MASTL: variants seen among roughly 807,000 people sequenced by gnomAD.
The protein encoded by MASTL is serine/threonine-protein kinase greatwall.
MASTL carries 54 observed loss-of-function variants against 82.5 expected under a neutral mutation model. That is an observed-to-expected ratio of 0.65 (90% CI 0.53 to 0.82). MASTL has a LOEUF of 0.82. Among genes scored for constraint, MASTL ranks in the 40% least tolerant of loss-of-function variants. MASTL has a pLI of 0.00. For missense variants in MASTL, 950 were observed against 1,047.8 expected, an observed-to-expected ratio of 0.91 and a Z score of 1.29; for synonymous variants, 323 against 368.9, an observed-to-expected ratio of 0.88 and a Z score of 1.43.
rs143968397 is a variant in MASTL, at chr10:27,163,622, G to GT, written c.554-1428dup. ...TATACTTTCATTTATTTACTTATTT[G>GT]TTTTTTTTTTTTTTCTTTGAGACAG... On this transcript the variant is annotated intron_variant, in intron 4 of 11. Coordinates refer to ENST00000375940, the MANE Select transcript of MASTL (RefSeq NM_001172303.3). Among the ~76,000 whole-genome samples the GT allele has an allele frequency of 7.7e-4, 111 of 144,894 alleles. 1 individual carries two copies. The highest frequency in any genetic ancestry group is 2.1e-3 in the African/African-American group (83 of 39,286).
At chr10:27,158,962 G>C (rs1411805634) in intron 2 of MASTL, among the ~76,000 whole-genome samples, 1 of 152,238 alleles carries the variant, frequency 6.6e-6, no homozygotes, top group African/African-American at 2.4e-5. Flanking sequence ...CACTTCGAGA[G>C]GCTGAGACAG....
At position 27,187,750 on chromosome 10, in the gene MASTL, T is replaced by G; in HGVS notation, c.*1214T>G. 1.3e-5 allele frequency among the ~76,000 whole-genome samples: 1 copy of G among 74,720 alleles called. No homozygotes were observed. 49.0% of individuals were successfully genotyped at this position (74,720 alleles called of 152,430 possible). ...CTGGGCAACAGAATGAGACTCAGTCTCAAAAAAAAAAAAAATACTACTGGA... is the reference window on the plus strand; with the variant it reads ...CTGGGCAACAGAATGAGACTCAGTCGCAAAAAAAAAAAAAATACTACTGGA... On this transcript the variant is annotated 3_prime_UTR_variant, in exon 12 of 12. Coordinates refer to ENST00000375940, the MANE Select transcript of MASTL (RefSeq NM_001172303.3).
At chr10:27,175,508 G>A (rs1280650156) in intron 9 of MASTL, among the ~76,000 whole-genome samples, 1 of 152,084 alleles carries the variant, frequency 6.6e-6, no homozygotes, top group Non-Finnish European at 1.5e-5. Context: ...ATGGGCACCA[G>A]TGATTTCCTT....
At position 27,170,664 on chromosome 10, in the gene MASTL, TCTG is replaced by T; in HGVS notation, c.1706_1708del (p.Ser569_Asp570delinsTyr). On this transcript the variant is annotated inframe_deletion, in exon 8 of 12. Transcript: ENST00000375940. The stretch of plus-strand genomic sequence containing the variant: ...AGCTTCTAAAAATATTTCTATGAAC[TCTG>T]ATTCATCTTTTCCTGGAATTTCTAT... 6.2e-7 allele frequency: 1 copy of T among 1,611,314 alleles called. No individual in the cohort carries two copies. The highest frequency in any genetic ancestry group is 1.1e-5 in the South Asian group (1 of 90,202).
chr10:27,162,582 TTGCTTAAACC>T (rs1459800084), intron 4 of MASTL, among the ~76,000 whole-genome samples: 1 of 152,056 alleles, frequency 6.6e-6, no homozygotes, highest in Non-Finnish European at 1.5e-5. Context: ...GGCAGGAGAA[TTGCTTAAACC>T]TGGGAGGCAG....
rs775793798 is a variant in MASTL, at chr10:27,181,000, C to G, written c.2314C>G (p.Leu772Val). The change falls in exon 10 of 12, where the codon CTA becomes GTA. Residue 772 changes from leucine to valine, a missense_variant. Coordinates refer to ENST00000375940, the MANE Select transcript of MASTL (RefSeq NM_001172303.3). ...WALGVCLFEF[L>V]TGIPPFNDET... is the part of the protein sequence containing the mutation. ...ACTTGGAGTTTGCTTGTTTGAATTTCTAACAGGAATTCCCCCTTTCAATGA... is the reference window on the plus strand; with the variant it reads ...ACTTGGAGTTTGCTTGTTTGAATTTGTAACAGGAATTCCCCCTTTCAATGA... 8.1e-6 allele frequency: 13 copies of G among 1,613,718 alleles called. No individual in the cohort carries two copies. The South Asian group carries it at 1.3e-4, about 16-fold the overall frequency.
At position 27,170,821 on chromosome 10, in the gene MASTL, A is replaced by G. The variant is rs757814770; in HGVS notation, c.1862A>G (p.Lys621Arg). The G allele has an allele frequency of 6.2e-7, 1 of 1,614,150 alleles. No individual in the cohort carries two copies. Among genetic ancestry groups the G allele is most frequent in the South Asian group, 1.1e-5 (1 of 91,082 alleles). ...TPDCQEKTSP[K>R]GVENPAVQES... ...GATTGCCAAGAAAAGACCTCACCAA[A>G]AGGTGTCGAGAACCCTGCTGTACAA... The change falls in exon 8 of 12, where the codon AAA (lysine) becomes AGA (arginine). Residue 621 changes from lysine to arginine, a missense_variant. By Grantham distance (26) the Lys-to-Arg change is conservative (BLOSUM62 2). Transcript: ENST00000375940.
At chr10:27,182,636 TGGG>T (rs2058387842) in intron 11 of MASTL, among the ~76,000 whole-genome samples, 1 of 152,014 alleles carries the variant, frequency 6.6e-6, no homozygotes, top group Non-Finnish European at 1.5e-5. Context: ...TCCAGCTACT[TGGG>T]GGCTTAGGCA....
At chr10:27,158,884 G>C (rs2057480313) in intron 2 of MASTL, among the ~76,000 whole-genome samples, 198 bp downstream of exon 2, 1 of 152,208 alleles carries the variant, frequency 6.6e-6, no homozygotes, top group Admixed American at 6.5e-5. Flanking sequence ...TACGGTGCGT[G>C]TGTATGTGTA....
chr10:27,181,679 G>A (rs1564506065), intron 11 of MASTL, 98 bp downstream of exon 11: 9 of 848,628 alleles, frequency 1.1e-5, no homozygotes, highest in South Asian at 2.7e-5. Context: ...GGTGGCTCAC[G>A]CCTGTAATCC....
At chr10:27,155,232 G>A (rs1217188294), upstream of MASTL, 15 of 614,190 alleles carry the variant, frequency 2.4e-5, no homozygotes, top group Non-Finnish European at 4.3e-5. Context: ...AAGAGTGTAA[G>A]GCTGCGAAGT....
At chr10:27,164,080 A>G (rs193150357) in intron 4 of MASTL, among the ~76,000 whole-genome samples, 201 of 152,272 alleles carry the variant, frequency 1.3e-3, no homozygotes, top group African/African-American at 4.0e-3. Flanking sequence ...AGCTGGGACT[A>G]GAGGCATGAG....
intron 7 of MASTL, 111 bp downstream of exon 7, chr10:27,167,385 T>C (rs2057775753): frequency 2.2e-6 from 2 of 901,444 alleles, no homozygotes; most frequent in Admixed American, 2.1e-5. Context: ...GTTACATGAA[T>C]GGCAGTCATA....
intron 1 of MASTL, among the ~76,000 whole-genome samples, chr10:27,158,002 A>C (rs2057449942): frequency 6.6e-6 from 1 of 152,206 alleles, no homozygotes; most frequent in Non-Finnish European, 1.5e-5. Flanking sequence ...TATGCAGGGC[A>C]GTCTGGGAAT....
chr10:27,177,144 G>C (rs2058127253), intron 9 of MASTL, among the ~76,000 whole-genome samples: 1 of 152,116 alleles, frequency 6.6e-6, no homozygotes, highest in Admixed American at 6.6e-5. Context: ...ACCACACCCA[G>C]CCAAGAGTGT....
chr10:27,170,487 G>A lies in MASTL; in HGVS notation c.1528G>A (p.Val510Ile), dbSNP rs183157467. The A allele has an allele frequency of 2.5e-5, 40 of 1,614,004 alleles. No individual in the cohort carries two copies. In the Admixed American group the frequency reaches 6.2e-4, roughly 25 times the overall value. Residue 510 changes from valine to isoleucine, a missense_variant, in exon 8 of 12, where the codon GTC (valine) becomes ATC (isoleucine). Physicochemically the swap from Val to Ile is conservative, Grantham distance 29. Transcript: ENST00000375940. ...TGACTGTGCTAATAAGGAGAACATT[G>A]TCAATTCTTTTACTGATAAACAACA... The part of the protein sequence containing the change: ...QNDCANKENI[V>I]NSFTDKQQTP...
At chr10:27,157,927 T>C (rs2057447864) in intron 1 of MASTL, among the ~76,000 whole-genome samples, 2 of 152,160 alleles carry the variant, frequency 1.3e-5, no homozygotes, top group Admixed American at 1.3e-4. Flanking sequence ...TGTGGGCTTA[T>C]GAGGAATGTA....
rs1369991148 is a variant in MASTL, at chr10:27,165,126, A to G, written c.616A>G (p.Arg206Gly). 3.1e-6 allele frequency: 5 copies of G among 1,613,642 alleles called. No individual in the cohort carries two copies. The highest frequency in any genetic ancestry group is 4.2e-6 in the Non-Finnish European group (5 of 1,179,648). Residue 206 changes from arginine (R) to glycine (G), a missense_variant, in exon 5 of 12, where the codon AGA becomes GGA. Physicochemically the swap from Arg to Gly is moderately radical, Grantham distance 125. Coordinates refer to ENST00000375940, the MANE Select transcript of MASTL (RefSeq NM_001172303.3). ...SMAKPRQDYS[R>G]TPGQVLSLIS... ...GGCAAAACCTAGACAAGATTATTCA[A>G]GAACCCCAGGACAAGTGTTATCGCT... is the stretch of plus-strand genomic sequence containing the variant.
chr10:27,164,331 G>T (rs1294782692), intron 4 of MASTL, among the ~76,000 whole-genome samples: 2 of 152,118 alleles, frequency 1.3e-5, no homozygotes, highest in Non-Finnish European at 2.9e-5. Context: ...GTAGAGATAG[G>T]TCTCACTATG....
Sources: allele counts gnomAD v4.1 joint callset (sites outside exome capture counted in the v4.1 genomes callset), GRCh38; gene constraint gnomAD v4.1.1; transcripts MANE v1.5; gene names NCBI Gene and HGNC (gene_info 2026-07-23, HGNC 2026-07-21).